Variants in ARSH observed in about 807,000 individuals in gnomAD.
ARSH encodes the protein arylsulfatase family member H.
ARSH carries 32 observed loss-of-function variants against 28.7 expected under a neutral mutation model. The observed-to-expected ratio is 1.11, with a 90% confidence interval of 0.84 to 1.50. The LOEUF (loss-of-function observed/expected upper bound fraction) is 1.50. Among genes scored for constraint, ARSH ranks in the 40% most tolerant of loss-of-function variants. The pLI is 0.00. For missense variants in ARSH, 440 were observed against 452.4 expected, an observed-to-expected ratio of 0.97 and a Z score of 0.25; for synonymous variants, 176 against 177.3, an observed-to-expected ratio of 0.99 and a Z score of 0.06.
Position 3,012,540 on chromosome X carries a change from C to CAAAAA in ARSH, c.215-482_215-478dup, listed in dbSNP as rs1183271572. 8.5e-4 allele frequency among the ~76,000 whole-genome samples: 5 copies of CAAAAA among 5,908 alleles called. 1 individual carries two copies. Among genetic ancestry groups the CAAAAA allele is most frequent in the African/African-American group, 1.2e-3 (2 of 1,626 alleles). 5.1% of individuals were successfully genotyped at this position (5,908 alleles called of 115,157 possible). On this transcript the variant is annotated intron_variant, in intron 2 of 8. Transcript: ENST00000381130. ...TGGGTGACAGAGTGAAACTCCATCT[C>CAAAAA]AAAAAAAAAAAAAAAAAAAAAAAAA...
chrX:3,026,164 G>A (rs1396174410), intron 6 of ARSH, among the ~76,000 whole-genome samples: 1 of 111,191 alleles, frequency 9.0e-6, no homozygotes, highest in African/African-American at 3.3e-5. Context: ...AGCTTGTCGA[G>A]TTTTTCTTAT....
rs780800002 is a variant in ARSH at position 3,010,105 on chromosome X, C to T, written c.168C>T (p.Thr56=). ...TQHLAAASMC[T]PSRAAFLTGR... is the part of the protein sequence containing the mutation. ...ATCTCGCAGCTGCTTCCATGTGCAC[C>T]CCAAGTCGGGCTGCCTTCCTGACCG... Residue 56 remains threonine (T), a synonymous_variant, in exon 2 of 9, where the codon ACC becomes ACT. Coordinates refer to ENST00000381130, the MANE Select transcript of ARSH (RefSeq NM_001011719.2). The T allele has an allele frequency of 5.0e-6, 6 of 1,211,473 alleles. No homozygotes were observed. Among genetic ancestry groups the T allele is most frequent in the Non-Finnish European group, 6.7e-6 (6 of 895,326 alleles).
At chrX:3,009,276 A>C (rs2089839553) in intron 1 of ARSH, among the ~76,000 whole-genome samples, 1 of 110,267 alleles carries the variant, frequency 9.1e-6, no homozygotes, top group Non-Finnish European at 1.9e-5. Context: ...CAGGAGTTCA[A>C]GACTAGCTTG....
At chrX:3,020,096 G>A (rs1302121561) in intron 5 of ARSH, among the ~76,000 whole-genome samples, 1 of 106,518 alleles carries the variant, frequency 9.4e-6, no homozygotes, top group Non-Finnish European at 1.9e-5. Context: ...GACCAGCCTG[G>A]GCAACATACC....
rs892218185 is a variant in ARSH, at chrX:3,033,533, C to A, written c.*148C>A. 2 of 627,594 alleles carry A rather than the reference C, an allele frequency of 3.2e-6. No individual in the cohort carries two copies. The highest frequency in any genetic ancestry group is 4.6e-6 in the Non-Finnish European group (2 of 437,232). The allele number at this position is 627,594 out of a possible 1,213,427, so 51.7% of individuals were successfully genotyped here. A position where few individuals can be genotyped will look rare whatever the true frequency, so the allele number is the denominator to read the frequency against. On this transcript the variant is annotated 3_prime_UTR_variant, in exon 9 of 9. Transcript: ENST00000381130. Reference sequence around the variant, plus strand: ...CCTCAGAAATCAGTTCTTTCAAGAGCTCGGTGAAATTAAAGTGGGCCCATA... The same window carrying A: ...CCTCAGAAATCAGTTCTTTCAAGAGATCGGTGAAATTAAAGTGGGCCCATA...
chrX:3,021,895 G>GTGTA (rs1432501058), intron 5 of ARSH, among the ~76,000 whole-genome samples: 1 of 107,164 alleles, frequency 9.3e-6, no homozygotes, highest in Non-Finnish European at 1.9e-5. Flanking sequence ...GTGTGTGTGT[G>GTGTA]TGTGTGTGTG....
rs766897149 is a variant in ARSH at position 3,029,288 on chromosome X, G to T, written c.1241G>T (p.Arg414Met). 4.1e-6 allele frequency: 5 copies of T among 1,210,566 alleles called. No homozygotes were observed. The East Asian group carries it at 1.2e-4, about 29-fold the overall frequency. ...AACCTAATGCCCCTGCTGGAAGGAA[G>T]GGCGTCCCACTCCGACCACGAGTTC... Reference protein sequence around the residue: ...GQNLMPLLEGRASHSDHEFLF... With the variant: ...GQNLMPLLEGMASHSDHEFLF... The change falls in exon 8 of 9, where the codon AGG becomes ATG. Residue 414 changes from arginine (R) to methionine (M), a missense_variant. Arg to Met is a moderately conservative substitution (Grantham distance 91). Transcript: ENST00000381130.
At chrX:3,029,425 C>G in intron 8 of ARSH, 57 bp downstream of exon 8, 1 of 1,167,184 alleles carries the variant, frequency 8.6e-7, no homozygotes, top group Non-Finnish European at 1.1e-6. Context: ...TTCCGGTCTC[C>G]TTCGTCTCCT....
At chrX:3,017,402 C>T (rs1311708737) in intron 4 of ARSH, among the ~76,000 whole-genome samples, 1 of 110,268 alleles carries the variant, frequency 9.1e-6, no homozygotes, top group Non-Finnish European at 1.9e-5. Flanking sequence ...CCCATCTCTA[C>T]AAAAAATGTA....
intron 7 of ARSH, among the ~76,000 whole-genome samples, 183 bp downstream of exon 7, chrX:3,027,658 G>T (rs1294839530): frequency 8.9e-6 from 1 of 111,981 alleles, no homozygotes; most frequent in Admixed American, 9.5e-5. Flanking sequence ...TCTTCTTAGA[G>T]TATACCTTAA....
At chrX:3,017,991 G>T (rs1475313784) in intron 4 of ARSH, among the ~76,000 whole-genome samples, 1 of 112,074 alleles carries the variant, frequency 8.9e-6, no homozygotes, top group African/African-American at 3.2e-5. Context: ...AAAATGAACT[G>T]CGTTAAACAT....
At chrX:3,022,327 G>A (rs1387365747) in intron 5 of ARSH, among the ~76,000 whole-genome samples, 1 of 111,593 alleles carries the variant, frequency 9.0e-6, no homozygotes, top group Non-Finnish European at 1.9e-5. Context: ...TTCCCAGAAA[G>A]CCTTTACAAT....
rs777553161 is a variant in ARSH, at chrX:3,010,116, C to T, written c.179C>T (p.Ala60Val). The change falls in exon 2 of 9, where the codon GCT becomes GTT. Residue 60 changes from alanine (A) to valine (V), a missense_variant. Ala to Val is a moderately conservative substitution (Grantham distance 64, BLOSUM62 0). Coordinates refer to ENST00000381130, the MANE Select transcript of ARSH (RefSeq NM_001011719.2). ...GCTTCCATGTGCACCCCAAGTCGGG[C>T]TGCCTTCCTGACCGGCCGGTACCCC... Reference protein sequence around the residue: ...AAASMCTPSRAAFLTGRYPIR... With the variant: ...AAASMCTPSRVAFLTGRYPIR... The T allele has an allele frequency of 1.2e-5, 14 of 1,211,582 alleles. No individual in the cohort carries two copies. The South Asian group carries it at 2.5e-4, about 21-fold the overall frequency.
intron 3 of ARSH, among the ~76,000 whole-genome samples, chrX:3,014,030 GAGGCT>G (rs2089858932): frequency 1.8e-5 from 2 of 111,636 alleles, no homozygotes; most frequent in Non-Finnish European, 3.8e-5. Flanking sequence ...AGCACTTTGG[GAGGCT>G]GAGGCAGAAG....
At chrX:3,019,241 A>G (rs2089874470) in intron 5 of ARSH, among the ~76,000 whole-genome samples, 1 of 93,732 alleles carries the variant, frequency 1.1e-5, no homozygotes, top group East Asian at 3.5e-4. Context: ...CTCCAGCCTG[A>G]GTGACACAGC....
Position 3,018,515 on chromosome X carries a change from G to A in ARSH, c.765-19G>A. The A allele has an allele frequency of 8.3e-7, 1 of 1,202,247 alleles. No homozygotes were observed. The highest frequency in any genetic ancestry group is 1.8e-5 in the South Asian group (1 of 55,819). On this transcript the variant is annotated intron_variant, in intron 4 of 8. Coordinates refer to ENST00000381130, the MANE Select transcript of ARSH (RefSeq NM_001011719.2). The stretch of plus-strand genomic sequence containing the variant: ...CTTCATATTTGTGAAGGTAATTTTG[G>A]TAACTTTCTACCCCTTAGGTACAAA...
intron 6 of ARSH, among the ~76,000 whole-genome samples, chrX:3,027,010 T>C (rs1335635915): frequency 1.8e-5 from 2 of 110,075 alleles, no homozygotes; most frequent in Admixed American, 2.0e-4. Flanking sequence ...CACCATGGAG[T>C]GCAGTGGCGT....
intron 4 of ARSH, 46 bp from the exon 5 acceptor site, chrX:3,018,488 G>T: frequency 8.5e-7 from 1 of 1,171,329 alleles, no homozygotes; most frequent in South Asian, 1.8e-5. Flanking sequence ...TGATGGAAAT[G>T]ACTTCATATT....
Position 3,033,116 on chromosome X carries a change from G to A in ARSH, c.1420G>A (p.Val474Ile). 1 of 1,211,406 alleles carries A rather than the reference G, an allele frequency of 8.3e-7. No homozygotes were observed. ...GSGICSCSGDVTYHDPPLLFD... is the reference protein window; with the variant it reads ...GSGICSCSGDITYHDPPLLFD... The stretch of plus-strand genomic sequence containing the variant: ...TGGAATATGTTCATGTTCGGGGGAT[G>A]TAACCTACCACGACCCACCACTCCT... Residue 474 changes from valine to isoleucine, a missense_variant, in exon 9 of 9, where the codon GTA becomes ATA. Val to Ile is a conservative substitution (Grantham distance 29, BLOSUM62 3). Coordinates refer to ENST00000381130, the MANE Select transcript of ARSH (RefSeq NM_001011719.2).
Sources: allele counts gnomAD v4.1 joint callset (sites outside exome capture counted in the v4.1 genomes callset), GRCh38; gene constraint gnomAD v4.1.1; transcripts MANE v1.5; gene names NCBI Gene and HGNC (gene_info 2026-07-23, HGNC 2026-07-21).